Variants in MAGI2 observed in about 807,000 individuals in gnomAD.
MAGI2 encodes the protein membrane-associated guanylate kinase, WW and PDZ domain-containing protein 2.
A neutral mutation model predicts 133.3 loss-of-function variants in MAGI2; 35 were observed. The ratio of observed to expected loss-of-function variants is 0.26; its 90% CI spans 0.20 to 0.35. The LOEUF (loss-of-function observed/expected upper bound fraction) is 0.35. MAGI2 is among the 10% of genes least tolerant of loss of function. The probability of loss-of-function intolerance (pLI) is 1.00; values close to 1 mark genes in which losing one functional copy is unlikely to be tolerated. For synonymous variants in MAGI2, 729 were observed against 710.6 expected (o/e 1.03, Z -0.41); for missense variants, 1,636 against 1,863.4 (o/e 0.88, Z 2.25).
At chr7:78,057,977 G>GTGTGTA (rs762943472) in intron 21 of MAGI2, among the ~76,000 whole-genome samples, 3 of 106,612 alleles carry the variant, frequency 2.8e-5, no homozygotes, top group African/African-American at 1.0e-4. Context: ...ATATATATGT[G>GTGTGTA]TATATATATA....
intron 3 of MAGI2, among the ~76,000 whole-genome samples, chr7:78,591,883 G>C (rs112139217): frequency 0.01 from 1,563 of 152,304 alleles, 31 homozygotes; most frequent in African/African-American, 0.035. Context: ...AGAAGAGCAA[G>C]ATGTTACAAA....
chr7:78,679,040 C>T (rs1344491950), intron 2 of MAGI2, among the ~76,000 whole-genome samples: 3 of 152,054 alleles, frequency 2.0e-5, no homozygotes, highest in Admixed American at 1.3e-4. Flanking sequence ...TCATTCATTC[C>T]TGCTTAACTC....
At chr7:78,583,326 G>A (rs1201057445) in intron 3 of MAGI2, 13 of 163,140 alleles carry the variant, frequency 8.0e-5, no homozygotes, top group African/African-American at 1.5e-4. Context: ...GTGAAACACC[G>A]TCTCTACTAA....
intron 1 of MAGI2, among the ~76,000 whole-genome samples, chr7:79,405,105 C>A (rs910738158): frequency 1.3e-5 from 2 of 152,072 alleles, no homozygotes; most frequent in African/African-American, 2.4e-5. Flanking sequence ...TCAGAAAATT[C>A]TAAATTTGAA....
chr7:78,109,344 A>G (rs1354910511), intron 20 of MAGI2, among the ~76,000 whole-genome samples: 3 of 136,722 alleles, frequency 2.2e-5, no homozygotes, highest in Admixed American at 7.7e-5. Flanking sequence ...AGAAAAAAGA[A>G]AAAAAAAAGA....
At chr7:78,979,144 G>A (rs946963059) in intron 2 of MAGI2, among the ~76,000 whole-genome samples, 2 of 151,752 alleles carry the variant, frequency 1.3e-5, no homozygotes, top group Non-Finnish European at 2.9e-5. Flanking sequence ...ATACAGATTG[G>A]TTTTTGCTCT....
intron 6 of MAGI2, among the ~76,000 whole-genome samples, chr7:78,421,542 G>A (rs1798797676): frequency 6.6e-6 from 1 of 152,330 alleles, no homozygotes; most frequent in East Asian, 1.9e-4. Context: ...GGTCGGGCAT[G>A]CTGGCTCACG....
At chr7:79,201,041 A>G (rs1165800816) in intron 1 of MAGI2, among the ~76,000 whole-genome samples, 4 of 152,004 alleles carry the variant, frequency 2.6e-5, no homozygotes, top group Non-Finnish European at 5.9e-5. Flanking sequence ...TCTACAAGAT[A>G]GTGCAATCAA....
chr7:79,151,928 G>A (rs1168564835), intron 1 of MAGI2, among the ~76,000 whole-genome samples: 1 of 152,106 alleles, frequency 6.6e-6, no homozygotes, highest in Non-Finnish European at 1.5e-5. Flanking sequence ...AGTAGATTGT[G>A]ATAGAACATG....
At chr7:79,378,912 A>ATG in intron 1 of MAGI2, among the ~76,000 whole-genome samples, 1 of 85,438 alleles carries the variant, frequency 1.2e-5, no homozygotes, top group African/African-American at 4.5e-5. Context: ...TTTTATATAT[A>ATG]TATATGTGTG....
At chr7:78,816,232 G>A (rs1433967700) in intron 2 of MAGI2, among the ~76,000 whole-genome samples, 2 of 152,168 alleles carry the variant, frequency 1.3e-5, no homozygotes, top group East Asian at 3.9e-4. Flanking sequence ...GTTAAAAGAG[G>A]TGAGGAAGTT....
intron 1 of MAGI2, among the ~76,000 whole-genome samples, chr7:79,108,923 A>G (rs1818673220): frequency 6.6e-6 from 1 of 152,154 alleles, no homozygotes; most frequent in African/African-American, 2.4e-5. Context: ...CTCCTGCTTT[A>G]GTCATGTGAC....
intron 9 of MAGI2, among the ~76,000 whole-genome samples, chr7:78,266,658 A>T (rs57967469): frequency 6.6e-6 from 1 of 150,914 alleles, no homozygotes; most frequent in Non-Finnish European, 1.5e-5. Flanking sequence ...GCTTACTGCA[A>T]CCTCCACCTC....
At chr7:78,469,971 T>C (rs1362333303) in intron 6 of MAGI2, among the ~76,000 whole-genome samples, 2 of 152,164 alleles carry the variant, frequency 1.3e-5, no homozygotes, top group South Asian at 4.1e-4. Context: ...ATGCAGAATA[T>C]ATAAAATGTG....
At chr7:78,460,319 G>A (rs778535480) in intron 6 of MAGI2, among the ~76,000 whole-genome samples, 7 of 152,156 alleles carry the variant, frequency 4.6e-5, no homozygotes, top group Non-Finnish European at 7.3e-5. Context: ...CTTTAGCTCA[G>A]CAATTAGAAA....
intron 21 of MAGI2, chr7:78,078,158 T>G (rs925314240): frequency 2.6e-5 from 4 of 152,216 alleles, no homozygotes; most frequent in Admixed American, 2.6e-4. Flanking sequence ...AGGTATTATC[T>G]GCACTAGTCT....
intron 2 of MAGI2, among the ~76,000 whole-genome samples, chr7:78,811,848 C>A (rs1041142659): frequency 6.6e-6 from 1 of 152,160 alleles, no homozygotes. Context: ...GTATCTATTG[C>A]CTCACATGGC....
intron 16 of MAGI2, among the ~76,000 whole-genome samples, chr7:78,155,270 T>A (rs913288875): frequency 6.6e-6 from 1 of 152,184 alleles, no homozygotes. Flanking sequence ...ATATTTTGCA[T>A]AATGGGACCA....
chr7:78,641,622 T>C (rs1810320026), intron 2 of MAGI2, among the ~76,000 whole-genome samples: 1 of 152,114 alleles, frequency 6.6e-6, no homozygotes, highest in Non-Finnish European at 1.5e-5. Context: ...TTGAGTGCAC[T>C]ACCTCAAGAG....
Sources: allele counts gnomAD v4.1 joint callset (sites outside exome capture counted in the v4.1 genomes callset), GRCh38; gene constraint gnomAD v4.1.1; transcripts MANE v1.5; gene names NCBI Gene and HGNC (gene_info 2026-07-23, HGNC 2026-07-21).